The following WDR27 variants were observed in gnomAD, a reference collection of about 807,000 sequenced individuals.
WDR27 encodes the protein WD repeat domain 27, also known as WD repeat-containing protein 27.
In WDR27, 100 loss-of-function variants were observed where a neutral mutation model predicts 114.4. That is an observed-to-expected ratio of 0.87 (90% CI 0.74 to 1.03). The LOEUF (loss-of-function observed/expected upper bound fraction) is 1.03. WDR27 is among the 50% of genes least tolerant of loss of function. The pLI is 0.00. For missense variants in WDR27, 1,129 were observed against 1,092.9 expected (o/e 1.03, Z -0.47); for synonymous variants, 449 against 423.1 (o/e 1.06, Z -0.75).
intron 25 of WDR27, among the ~76,000 whole-genome samples, chr6:169,458,352 C>A (rs1448292629): frequency 2.0e-5 from 3 of 152,142 alleles, no homozygotes; most frequent in East Asian, 3.9e-4. Flanking sequence ...AATAGGCGAG[C>A]AGCCATTGTT....
At chr6:169,574,117 G>T (rs1801879150) in intron 24 of WDR27, among the ~76,000 whole-genome samples, 2 of 152,286 alleles carry the variant, frequency 1.3e-5, no homozygotes, top group African/African-American at 4.8e-5. Flanking sequence ...GCGCGCAGCT[G>T]CAGTTCCTGG....
At chr6:169,551,331 C>T in intron 25 of WDR27, among the ~76,000 whole-genome samples, 1 of 152,136 alleles carries the variant, frequency 6.6e-6, no homozygotes. Context: ...TCACTGGGCC[C>T]CCTTATCTGG....
In WDR27 at chr6:169,688,989, T is replaced by G; in HGVS notation, c.17A>C (p.Asp6Ala). The G allele has an allele frequency of 1.2e-6, 2 of 1,612,106 alleles. No homozygotes were observed. The highest frequency in any genetic ancestry group is 1.7e-6 in the Non-Finnish European group (2 of 1,179,214). MENPQ[D>A]IFSSNGGCLS... is the part of the protein sequence containing the mutation. Reference sequence around the variant, plus strand: ...ACAGCCACCATTACTTGAGAAAATGTCTTGGGGATTTTCCATCTTCAATCT... The same window carrying G: ...ACAGCCACCATTACTTGAGAAAATGGCTTGGGGATTTTCCATCTTCAATCT... The change falls in exon 2 of 26, where the codon GAC (aspartate) becomes GCC (alanine). Residue 6 changes from aspartate to alanine, a missense_variant. By Grantham distance (126) the Asp-to-Ala change is moderately radical. Coordinates refer to ENST00000448612, the MANE Select transcript of WDR27 (RefSeq NM_182552.5).
chr6:169,431,265 T>C, the WDR27 span, among the ~76,000 whole-genome samples: 5 of 152,228 alleles, frequency 3.3e-5, no homozygotes, highest in Non-Finnish European at 7.3e-5. Context: ...TGTCCTAAAT[T>C]GCAATTCTGA....
intron 12 of WDR27, among the ~76,000 whole-genome samples, 163 bp downstream of exon 12, chr6:169,658,923 G>A (rs563555388): frequency 2.0e-5 from 3 of 152,092 alleles, no homozygotes; most frequent in Non-Finnish European, 2.9e-5. Flanking sequence ...TCCTGACCTC[G>A]TGATCCACCC....
intron 25 of WDR27, among the ~76,000 whole-genome samples, chr6:169,467,965 C>A (rs992781471): frequency 6.6e-6 from 1 of 152,222 alleles, no homozygotes; most frequent in East Asian, 1.9e-4. Flanking sequence ...TTAAGAGCAT[C>A]CAAGTCGCAT....
rs375033343 is a variant in WDR27, at chr6:169,643,740, G to T, written c.1704C>A (p.Leu568=). ...TCCCAGTCAGGCTGGCATCAAAAAC[G>T]AGTAACAGATGGTTGGCCAACCCAC... ...LACGLANHLL[L]VFDASLTGTP... The change falls in exon 17 of 26, where the codon CTC becomes CTA. Residue 568 remains leucine (L), a synonymous_variant. Transcript: ENST00000448612. 2.5e-6 allele frequency: 4 copies of T among 1,613,548 alleles called. No homozygotes were observed. Among genetic ancestry groups the T allele is most frequent in the Admixed American group, 1.7e-5 (1 of 60,000 alleles).
At chr6:169,591,097 C>A (rs1202095788) in intron 23 of WDR27, among the ~76,000 whole-genome samples, 16 of 152,202 alleles carry the variant, frequency 1.1e-4, no homozygotes, top group African/African-American at 1.7e-4. Flanking sequence ...TGCATTCCCA[C>A]CGACTGTGCG....
At chr6:169,519,262 A>C (rs1794053486) in intron 25 of WDR27, among the ~76,000 whole-genome samples, 1 of 152,164 alleles carries the variant, frequency 6.6e-6, no homozygotes, top group African/African-American at 2.4e-5. Flanking sequence ...ATTTTCAGAT[A>C]TCTTCACAGC....
chr6:169,680,605 C>T (rs1226044628), intron 2 of WDR27, among the ~76,000 whole-genome samples: 16 of 152,080 alleles, frequency 1.1e-4, no homozygotes, highest in Admixed American at 9.8e-4. Context: ...AGATATTTTT[C>T]TTATTGTTTA....
In WDR27 at chr6:169,667,461, C is replaced by G. The variant is rs1013296778; in HGVS notation, c.661-274G>C. 9 of 900,952 alleles carry G rather than the reference C, an allele frequency of 1.0e-5. No homozygotes were observed. In the Admixed American group the frequency reaches 3.1e-4, roughly 31 times the overall value. The allele number at this position is 900,952 out of a possible 1,614,324, so 55.8% of individuals were successfully genotyped here. ...ATGAAACAAGGTGAAAAACAGTTCCCAGGCACTTGGTCAACGCTGCCAAGA... is the reference window on the plus strand; with the variant it reads ...ATGAAACAAGGTGAAAAACAGTTCCGAGGCACTTGGTCAACGCTGCCAAGA... On this transcript the variant is annotated intron_variant, in intron 5 of 25. Coordinates refer to ENST00000448612, the MANE Select transcript of WDR27 (RefSeq NM_182552.5).
chr6:169,568,949 T>C (rs1047916763), intron 25 of WDR27, among the ~76,000 whole-genome samples: 3 of 152,188 alleles, frequency 2.0e-5, no homozygotes, highest in Non-Finnish European at 2.9e-5. Flanking sequence ...CCATATGGTT[T>C]TAGAAGGAAG....
At chr6:169,561,881 T>A (rs1044217699) in intron 25 of WDR27, among the ~76,000 whole-genome samples, 2 of 152,104 alleles carry the variant, frequency 1.3e-5, no homozygotes, top group African/African-American at 2.4e-5. Flanking sequence ...AGATATACCA[T>A]CCTAACACTA....
intron 15 of WDR27, 128 bp from the exon 16 acceptor site, chr6:169,647,998 T>TACG: frequency 1.6e-6 from 1 of 612,962 alleles, no homozygotes; most frequent in Non-Finnish European, 2.8e-6. Context: ...TAAACTTGAA[T>TACG]ATTTATCTAT....
the WDR27 span, among the ~76,000 whole-genome samples, chr6:169,444,254 C>T: frequency 6.6e-6 from 1 of 152,192 alleles, no homozygotes. Context: ...ACCTGCCCAC[C>T]CTCTACTTCC....
intron 1 of WDR27, among the ~76,000 whole-genome samples, chr6:169,694,212 G>A (rs939620278): frequency 3.9e-5 from 6 of 152,172 alleles, no homozygotes; most frequent in Non-Finnish European, 8.8e-5. Context: ...GGAGGCTGAG[G>A]CAGGAGTATC....
chr6:169,502,785 T>A lies in WDR27; in HGVS notation c.2646-45151A>T, dbSNP rs372472080. Among the ~76,000 whole-genome samples, 20 of 152,218 alleles carry A rather than the reference T, an allele frequency of 1.3e-4. No homozygotes were observed. The South Asian group carries it at 2.5e-3, about 19-fold the overall frequency. On this transcript the variant is annotated intron_variant, in intron 25 of 25. Transcript: ENST00000448612. The stretch of plus-strand genomic sequence containing the variant: ...CCTCAGTGCCATCTTCAACCTTGCA[T>A]TTCCCACGTTCCAGGGGTTAGGACT...
the WDR27 span, among the ~76,000 whole-genome samples, chr6:169,448,602 C>G: frequency 6.6e-6 from 1 of 152,180 alleles, no homozygotes; most frequent in Non-Finnish European, 1.5e-5. Flanking sequence ...TTCCTTGCAC[C>G]TGTGTCCTGA....
chr6:169,439,620 C>A, the WDR27 span, among the ~76,000 whole-genome samples: 2 of 151,206 alleles, frequency 1.3e-5, no homozygotes, highest in Admixed American at 6.6e-5. Context: ...ATTTTTATGA[C>A]TTTTATTTGA....
Sources: gnomAD v4.1 joint callset for allele counts (sites outside exome capture counted in the v4.1 genomes callset) on GRCh38, gnomAD v4.1.1 for gene constraint, MANE v1.5 for transcripts, NCBI Gene and HGNC (gene_info 2026-07-23, HGNC 2026-07-21) for gene names.